CDH8: variants seen among roughly 807,000 people sequenced by gnomAD.
CDH8 encodes cadherin-8.
A neutral mutation model predicts 68.1 loss-of-function variants in CDH8; 17 were observed. The observed-to-expected ratio is 0.25, with a 90% CI of 0.17 to 0.37. The LOEUF (loss-of-function observed/expected upper bound fraction) is 0.37, where lower values mean the gene tolerates loss of function less well. Among genes scored for constraint, CDH8 ranks in the 10% least tolerant of loss-of-function variants. The pLI is 1.00. For missense variants in CDH8, 763 were observed against 999.3 expected (o/e 0.76, Z 3.19); for synonymous variants, 372 against 365.1 (o/e 1.02, Z -0.21).
chr16:62,023,984 C>T (rs1357754535), intron 1 of CDH8, among the ~76,000 whole-genome samples: 4 of 152,140 alleles, frequency 2.6e-5, no homozygotes, highest in South Asian at 2.1e-4. Context: ...AGTAGCTGGG[C>T]GTGCACCACC....
intron 2 of CDH8, among the ~76,000 whole-genome samples, chr16:61,980,544 G>GT (rs140355709): frequency 0.022 from 3,297 of 152,062 alleles, 44 homozygotes; most frequent in Non-Finnish European, 0.035. Flanking sequence ...TAAAATTGGG[G>GT]TCCCCCATCT....
At chr16:61,724,922 T>A (rs1290348971) in intron 9 of CDH8, among the ~76,000 whole-genome samples, 2 of 150,814 alleles carry the variant, frequency 1.3e-5, no homozygotes, top group Non-Finnish European at 3.0e-5. Context: ...GACCTAGAAG[T>A]GATGTAAGGA....
At position 61,652,936 on chromosome 16, in the gene CDH8, C is replaced by G; in HGVS notation, c.*672G>C. 2 of 1,527,964 alleles carry G rather than the reference C, an allele frequency of 1.3e-6. No homozygotes were observed. The highest frequency in any genetic ancestry group is 1.7e-6 in the Non-Finnish European group (2 of 1,143,224). 94.7% of individuals were successfully genotyped at this position (1,527,964 alleles called of 1,614,324 possible). ...CATGTTTGAATGGGATTTCTCTCCT[C>G]CCACCACTGAATTGGCAAGCCCCAC... On this transcript the variant is annotated 3_prime_UTR_variant, in exon 12 of 12. Transcript: ENST00000577390.
In CDH8 at chr16:61,723,472, G is replaced by A. The variant is rs1382256118; in HGVS notation, c.1536+3622C>T. Among the ~76,000 whole-genome samples, 3 of 150,740 alleles carry A rather than the reference G, an allele frequency of 2.0e-5. No homozygotes were observed. The Admixed American group carries it at 2.0e-4, about 10-fold the overall frequency. ...GGTGAAACTTGTCCTATATTAAGAGGTCTTTTCATTGAGATAGCTCCATTT... is the reference window on the plus strand; with the variant it reads ...GGTGAAACTTGTCCTATATTAAGAGATCTTTTCATTGAGATAGCTCCATTT... On this transcript the variant is annotated intron_variant, in intron 9 of 11. Transcript: ENST00000577390.
intron 8 of CDH8, among the ~76,000 whole-genome samples, chr16:61,779,542 T>C (rs947973909): frequency 1.3e-5 from 2 of 151,720 alleles, no homozygotes; most frequent in Non-Finnish European, 2.9e-5. Context: ...TCTAATTCAA[T>C]AGGTCTCAAA....
intron 4 of CDH8, among the ~76,000 whole-genome samples, chr16:61,854,330 G>T (rs766059455): frequency 2.0e-4 from 30 of 152,046 alleles, no homozygotes; most frequent in Non-Finnish European, 3.8e-4. Flanking sequence ...ACTGAGCATG[G>T]TGAGTTTATT....
chr16:61,677,979 G>C (rs1330636875), intron 10 of CDH8, among the ~76,000 whole-genome samples: 2 of 152,028 alleles, frequency 1.3e-5, no homozygotes, highest in South Asian at 2.1e-4. Context: ...TCTGAAGCCT[G>C]CTACCTTGGG....
At chr16:61,755,771 C>T (rs542765545) in intron 8 of CDH8, among the ~76,000 whole-genome samples, 2 of 67,756 alleles carry the variant, frequency 3.0e-5, no homozygotes, top group Admixed American at 1.3e-4. Context: ...TTCTTCTTCT[C>T]CTTCTCCTTC....
chr16:61,802,053 C>A (rs1961657152), intron 7 of CDH8, among the ~76,000 whole-genome samples: 1 of 144,702 alleles, frequency 6.9e-6, no homozygotes, highest in Non-Finnish European at 1.5e-5. Flanking sequence ...CCTCTGCAGA[C>A]TTAAGTGTCC....
At chr16:61,768,791 A>G (rs917115867) in intron 8 of CDH8, among the ~76,000 whole-genome samples, 1 of 151,788 alleles carries the variant, frequency 6.6e-6, no homozygotes, top group African/African-American at 2.4e-5. Flanking sequence ...GTTTCCATCA[A>G]TGTTATATTC....
intron 8 of CDH8, among the ~76,000 whole-genome samples, chr16:61,752,356 T>G (rs575496428): frequency 6.6e-6 from 1 of 152,278 alleles, no homozygotes; most frequent in African/African-American, 2.4e-5. Context: ...TTTCTTACAT[T>G]CAGTAATAGA....
intron 8 of CDH8, among the ~76,000 whole-genome samples, chr16:61,773,531 T>C (rs1960832535): frequency 6.6e-6 from 1 of 152,026 alleles, no homozygotes; most frequent in Non-Finnish European, 1.5e-5. Context: ...GGGAGTACTA[T>C]GTTTTTGGCA....
intron 8 of CDH8, among the ~76,000 whole-genome samples, chr16:61,762,217 G>A (rs772668445): frequency 4.6e-5 from 7 of 151,996 alleles, no homozygotes; most frequent in Non-Finnish European, 1.0e-4. Context: ...ACATATACTC[G>A]CAATGCATAC....
At chr16:61,751,382 TAAAA>T (rs71134375) in intron 8 of CDH8, among the ~76,000 whole-genome samples, 5,055 of 54,008 alleles carry the variant, frequency 0.094, 88 homozygotes, top group African/African-American at 0.13. Flanking sequence ...ATATTCTCCT[TAAAA>T]AAAAAAAAAA....
At chr16:61,795,899 A>G (rs929753316) in intron 7 of CDH8, among the ~76,000 whole-genome samples, 2 of 152,032 alleles carry the variant, frequency 1.3e-5, no homozygotes, top group African/African-American at 4.8e-5. Context: ...GGAGCCTTTT[A>G]TACCTGGCCC....
chr16:61,666,086 C>G (rs1282579268), intron 10 of CDH8, among the ~76,000 whole-genome samples: 1 of 151,754 alleles, frequency 6.6e-6, no homozygotes, highest in East Asian at 1.9e-4. Flanking sequence ...TAAATCGTCC[C>G]TTTTTCCGGC....
chr16:61,670,232 T>TC (rs1024294650), intron 10 of CDH8, among the ~76,000 whole-genome samples: 1 of 152,122 alleles, frequency 6.6e-6, no homozygotes, highest in African/African-American at 2.4e-5. Flanking sequence ...ATTTACTGCT[T>TC]CCTTTTGGGA....
Position 62,030,602 on chromosome 16 carries a change from G to A in CDH8, c.-200+5478C>T, listed in dbSNP as rs1025269066. On this transcript the variant is annotated intron_variant, in intron 1 of 11. Transcript: ENST00000577390. ...CATCTACTTATTTTGTATCATTTAT[G>A]TCACATCTAGAATCAAATAATCATA... is the stretch of plus-strand genomic sequence containing the variant. 4.6e-5 allele frequency among the ~76,000 whole-genome samples: 7 copies of A among 152,102 alleles called. No homozygotes were observed. In the South Asian group the frequency reaches 8.3e-4, roughly 18 times the overall value.
intron 2 of CDH8, among the ~76,000 whole-genome samples, chr16:61,959,729 C>T (rs1019867659): frequency 2.0e-5 from 3 of 150,276 alleles, no homozygotes; most frequent in African/African-American, 4.9e-5. Flanking sequence ...TATATATACA[C>T]ACACATATGT....
Sources: gnomAD v4.1 joint callset for allele counts (sites outside exome capture counted in the v4.1 genomes callset) on GRCh38, gnomAD v4.1.1 for gene constraint, MANE v1.5 for transcripts, NCBI Gene and HGNC (gene_info 2026-07-23, HGNC 2026-07-21) for gene names.